The following MCC variants were observed in gnomAD, a reference collection of about 807,000 sequenced individuals.
MCC encodes colorectal mutant cancer protein.
Under a neutral mutation model 116.2 loss-of-function variants are expected in MCC, and 90 were observed. That is an observed-to-expected ratio of 0.77 (90% CI 0.65 to 0.92). The LOEUF is 0.92. MCC is among the 40% of genes least tolerant of loss of function. The probability of loss-of-function intolerance (pLI) is 0.00; values close to 1 mark genes in which losing one functional copy is unlikely to be tolerated. For missense variants in MCC, 1,516 were observed against 1,312.2 expected (o/e 1.16, Z -2.40); for synonymous variants, 578 against 510.5 (o/e 1.13, Z -1.78).
chr5:113,150,375 G>A (rs1759780826), intron 4 of MCC, among the ~76,000 whole-genome samples: 1 of 152,044 alleles, frequency 6.6e-6, no homozygotes, highest in African/African-American at 2.4e-5. Flanking sequence ...AACAAGGGCA[G>A]AACATCCTTA....
chr5:113,343,343 C>T lies in MCC; in HGVS notation c.416-2613G>A, dbSNP rs949453859. ...TTCTGTCACTATATTTGCAATTGCT[C>T]CAAGTTTACTTTAATGTTAAAGTCT... On this transcript the variant is annotated intron_variant, in intron 2 of 18. Coordinates refer to ENST00000408903, the MANE Select transcript of MCC (RefSeq NM_001085377.2). Among the ~76,000 whole-genome samples the T allele has an allele frequency of 2.0e-5, 3 of 152,164 alleles. 1 individual carries two copies. Among genetic ancestry groups the T allele is most frequent in the Admixed American group, 2.0e-4 (3 of 15,288 alleles).
intron 3 of MCC, among the ~76,000 whole-genome samples, chr5:113,314,024 G>T (rs1055033185): frequency 6.6e-6 from 1 of 152,040 alleles, no homozygotes; most frequent in Non-Finnish European, 1.5e-5. Context: ...TCACTATGTT[G>T]CCCAGGTTGG....
rs1446701291 is a variant in MCC, at chr5:113,083,000, G to A, written c.1644C>T (p.Ser548=). The A allele has an allele frequency of 1.2e-6, 2 of 1,611,010 alleles. No individual in the cohort carries two copies. The highest frequency in any genetic ancestry group is 1.7e-6 in the Non-Finnish European group (2 of 1,179,188). The change falls in exon 11 of 19, where the codon AGC becomes AGT. Residue 548 remains serine (S), a synonymous_variant. Coordinates refer to ENST00000408903, the MANE Select transcript of MCC (RefSeq NM_001085377.2). ...AGTGGGCCAGGTGTTCAGCCACACTGCTGGATACCTGCAAAAAGAAGCATT... is the reference window on the plus strand; with the variant it reads ...AGTGGGCCAGGTGTTCAGCCACACTACTGGATACCTGCAAAAAGAAGCATT... ...GSEISSIGVS[S]SVAEHLAHSL...
At chr5:113,078,504 T>G (rs1462707994) in intron 11 of MCC, among the ~76,000 whole-genome samples, 2 of 152,172 alleles carry the variant, frequency 1.3e-5, no homozygotes, top group African/African-American at 4.8e-5. Context: ...TGGTTCAACA[T>G]ATGCAAATCA....
intron 1 of MCC, among the ~76,000 whole-genome samples, chr5:113,441,150 C>T (rs1284120063): frequency 6.6e-6 from 1 of 152,144 alleles, no homozygotes; most frequent in Non-Finnish European, 1.5e-5. Flanking sequence ...GACTGGCCAA[C>T]ATGGTGAAAC....
At chr5:113,125,890 C>CA (rs1288754968) in intron 5 of MCC, among the ~76,000 whole-genome samples, 3 of 151,846 alleles carry the variant, frequency 2.0e-5, no homozygotes, top group Admixed American at 6.6e-5. Context: ...AAATGCCTCC[C>CA]AAAAAAACAC....
At chr5:113,480,534 T>C (rs1461373636) in intron 1 of MCC, among the ~76,000 whole-genome samples, 1 of 152,244 alleles carries the variant, frequency 6.6e-6, no homozygotes, top group Non-Finnish European at 1.5e-5. Context: ...CAAACCTCGA[T>C]GCTTCCTCAA....
At chr5:113,207,332 TG>T (rs1284293179) in intron 3 of MCC, among the ~76,000 whole-genome samples, 5 of 152,112 alleles carry the variant, frequency 3.3e-5, no homozygotes, top group Admixed American at 2.6e-4. Context: ...GCACAGAGTC[TG>T]GTTCATGGTA....
chr5:113,405,839 T>C (rs1769817512), intron 1 of MCC, among the ~76,000 whole-genome samples: 1 of 152,048 alleles, frequency 6.6e-6, no homozygotes, highest in Admixed American at 6.5e-5. Context: ...AAAGTTGTAG[T>C]TTTGTACCGT....
intron 8 of MCC, among the ~76,000 whole-genome samples, chr5:113,098,810 A>C (rs755583936): frequency 3.9e-5 from 6 of 152,206 alleles, no homozygotes; most frequent in African/African-American, 1.2e-4. Flanking sequence ...AGAAAAAAAG[A>C]AAAAGAAAGT....
rs186289131 is a variant in MCC at position 113,078,103 on chromosome 5, G to A, written c.1784+4757C>T. 2.3e-4 allele frequency among the ~76,000 whole-genome samples: 35 copies of A among 152,152 alleles called. No homozygotes were observed. In the East Asian group the frequency reaches 2.3e-3, roughly 10 times the overall value. On this transcript the variant is annotated intron_variant, in intron 11 of 18. Coordinates refer to ENST00000408903, the MANE Select transcript of MCC (RefSeq NM_001085377.2). ...ACATACACCTTCCCAACACTAAACC[G>A]GGAAGGAGTTGAATCCCTGAATAGG...
At chr5:113,094,756 G>C (rs1755903187) in intron 8 of MCC, among the ~76,000 whole-genome samples, 1 of 152,114 alleles carries the variant, frequency 6.6e-6, no homozygotes, top group African/African-American at 2.4e-5. Context: ...TTGACAAATT[G>C]AGTCAGCTTC....
chr5:113,305,677 C>T (rs916366702), intron 3 of MCC, among the ~76,000 whole-genome samples: 2 of 152,218 alleles, frequency 1.3e-5, no homozygotes, highest in African/African-American at 4.8e-5. Context: ...GACTCCAAAG[C>T]ATTCCATATA....
intron 1 of MCC, among the ~76,000 whole-genome samples, chr5:113,455,119 G>C (rs1219959428): frequency 6.6e-6 from 1 of 152,150 alleles, no homozygotes; most frequent in Admixed American, 6.5e-5. Context: ...ACTTCTTGCA[G>C]TTTTCAAAAG....
chr5:113,150,095 T>C (rs1351072394), intron 4 of MCC, among the ~76,000 whole-genome samples: 1 of 151,984 alleles, frequency 6.6e-6, no homozygotes, highest in Non-Finnish European at 1.5e-5. Context: ...GAAGAGAAAC[T>C]GCTGGGAGTG....
chr5:113,197,125 G>A (rs577785555), intron 3 of MCC, among the ~76,000 whole-genome samples: 1 of 152,332 alleles, frequency 6.6e-6, no homozygotes, highest in Admixed American at 6.5e-5. Context: ...GGGAGCTGTG[G>A]TGGGCTGGGG....
rs376061384 is a variant in MCC, at chr5:113,274,238, C to T, written c.627+66281G>A. Among the ~76,000 whole-genome samples, 135 of 152,340 alleles carry T rather than the reference C, an allele frequency of 8.9e-4. 1 individual carries two copies. Among genetic ancestry groups the T allele is most frequent in the African/African-American group, 3.1e-3 (129 of 41,580 alleles). Reference sequence around the variant, plus strand: ...ATAAATCAGATCTGGGTGTTAGAAACTTCTTGGTCCCTTCTTCTAAATGAT... The same window carrying T: ...ATAAATCAGATCTGGGTGTTAGAAATTTCTTGGTCCCTTCTTCTAAATGAT... On this transcript the variant is annotated intron_variant, in intron 3 of 18. Coordinates refer to ENST00000408903, the MANE Select transcript of MCC (RefSeq NM_001085377.2).
intron 6 of MCC, among the ~76,000 whole-genome samples, chr5:113,118,742 A>G (rs551799787): frequency 1.3e-5 from 2 of 152,324 alleles, no homozygotes; most frequent in Admixed American, 1.3e-4. Flanking sequence ...TTTCCTGTTG[A>G]AAAAATTTAA....
At chr5:113,146,662 T>C (rs1311277571) in intron 4 of MCC, among the ~76,000 whole-genome samples, 1 of 152,156 alleles carries the variant, frequency 6.6e-6, no homozygotes, top group Non-Finnish European at 1.5e-5. Context: ...AATTATTCAG[T>C]GATAATTTAC....
Sources: allele counts gnomAD v4.1 joint callset (sites outside exome capture counted in the v4.1 genomes callset), GRCh38; gene constraint gnomAD v4.1.1; transcripts MANE v1.5; gene names NCBI Gene and HGNC (gene_info 2026-07-23, HGNC 2026-07-21).